Variants in CEP128 observed in about 807,000 individuals in gnomAD.
CEP128 encodes the protein centrosomal protein 128kDa.
A neutral mutation model predicts 156.7 loss-of-function variants in CEP128; 132 were observed. The ratio of observed to expected loss-of-function variants is 0.84; its 90% CI spans 0.73 to 0.97. The LOEUF is 0.97. CEP128 is among the 50% of genes least tolerant of loss of function. CEP128 has a pLI of 0.00. For synonymous variants in CEP128, 469 were observed against 448.9 expected (o/e 1.04, Z -0.57); for missense variants, 1,252 against 1,281.9 (o/e 0.98, Z 0.36).
intron 19 of CEP128, among the ~76,000 whole-genome samples, chr14:80,737,812 C>T (rs1458823197): frequency 2.0e-5 from 3 of 152,138 alleles, no homozygotes; most frequent in Non-Finnish European, 2.9e-5. Flanking sequence ...ACTGCTTGAG[C>T]CTGAGGGGTC....
chr14:80,705,349 T>C (rs985714148), intron 19 of CEP128, among the ~76,000 whole-genome samples: 10 of 152,058 alleles, frequency 6.6e-5, no homozygotes, highest in African/African-American at 2.4e-4. Context: ...CATGCAAACT[T>C]TTCCAGTCTA....
At chr14:80,577,040 G>T (rs1404339427) in intron 20 of CEP128, among the ~76,000 whole-genome samples, 1 of 152,140 alleles carries the variant, frequency 6.6e-6, no homozygotes, top group Non-Finnish European at 1.5e-5. Context: ...TATTTATTCA[G>T]TTCTGTTGAT....
chr14:80,497,897 G>A (rs187615404), intron 24 of CEP128, among the ~76,000 whole-genome samples: 28 of 152,286 alleles, frequency 1.8e-4, no homozygotes, highest in African/African-American at 6.5e-4. Flanking sequence ...TTGCACACTC[G>A]CAAAGAATTT....
At chr14:80,830,923 A>T (rs1206810744) in intron 13 of CEP128, 1 of 463,712 alleles carries the variant, frequency 2.2e-6, no homozygotes, top group Non-Finnish European at 3.8e-6. Flanking sequence ...ATAATAAAGG[A>T]AAATCATCCA....
chr14:80,917,423 C>T (rs1884621617), intron 2 of CEP128, among the ~76,000 whole-genome samples: 1 of 152,180 alleles, frequency 6.6e-6, no homozygotes, highest in South Asian at 2.1e-4. Context: ...TTTCTACTTA[C>T]TGGTGGGTTA....
chr14:80,510,531 T>A (rs1046242509), intron 23 of CEP128, among the ~76,000 whole-genome samples: 2 of 152,084 alleles, frequency 1.3e-5, no homozygotes, highest in Non-Finnish European at 2.9e-5. Flanking sequence ...CAGTAGAAGA[T>A]CATATCATCA....
intron 21 of CEP128, among the ~76,000 whole-genome samples, chr14:80,552,596 A>G (rs1173823249): frequency 6.6e-6 from 1 of 152,192 alleles, no homozygotes; most frequent in Admixed American, 6.5e-5. Flanking sequence ...CAAAATTTTA[A>G]GTAAAATATA....
At chr14:80,715,752 C>A in intron 19 of CEP128, among the ~76,000 whole-genome samples, 1 of 152,144 alleles carries the variant, frequency 6.6e-6, no homozygotes, top group Non-Finnish European at 1.5e-5. Context: ...CAGCCACTTA[C>A]ATGTTAAGTG....
intron 14 of CEP128, among the ~76,000 whole-genome samples, chr14:80,791,783 G>A (rs1901718240): frequency 1.3e-5 from 2 of 152,124 alleles, no homozygotes; most frequent in South Asian, 4.1e-4. Context: ...ATATGTCCGA[G>A]AAATTCATAT....
chr14:80,924,319 A>G (rs536297978), intron 2 of CEP128, among the ~76,000 whole-genome samples: 1 of 152,334 alleles, frequency 6.6e-6, no homozygotes, highest in South Asian at 2.1e-4. Context: ...AAAAGATCAA[A>G]ATCAACTGTC....
rs564543610 is a variant in CEP128, at chr14:80,911,589, C to T, written c.234+2733G>A. Among the ~76,000 whole-genome samples the T allele has an allele frequency of 3.9e-4, 60 of 152,298 alleles. 1 individual carries two copies. Among genetic ancestry groups the T allele is most frequent in the Non-Finnish European group, 7.2e-4 (49 of 68,020 alleles). ...GAAAAGCTTCATTTGCTTTCTTCAG[C>T]TGTACTACTTTTACTTCTGCCCCCG... is the stretch of plus-strand genomic sequence containing the variant. On this transcript the variant is annotated intron_variant, in intron 4 of 24. Transcript: ENST00000555265.
At chr14:80,570,496 T>C (rs56341421) in intron 20 of CEP128, among the ~76,000 whole-genome samples, 22,453 of 152,164 alleles carry the variant, frequency 0.15, 1,769 homozygotes, top group South Asian at 0.23. Flanking sequence ...GCCAGGAACA[T>C]AGACTTCAAA....
intron 16 of CEP128, among the ~76,000 whole-genome samples, chr14:80,772,717 C>T (rs1900580534): frequency 6.6e-6 from 1 of 152,180 alleles, no homozygotes; most frequent in Non-Finnish European, 1.5e-5. Context: ...ACCTGCCAAT[C>T]TGTGTGCTCC....
chr14:80,903,161 C>T (rs766968522), intron 6 of CEP128, among the ~76,000 whole-genome samples: 4 of 151,976 alleles, frequency 2.6e-5, no homozygotes, highest in Non-Finnish European at 5.9e-5. Context: ...AAAACAGATG[C>T]ATCAATCTAC....
At chr14:80,955,499 A>T in intron 2 of CEP128, 2 of 718,096 alleles carry the variant, frequency 2.8e-6, no homozygotes, top group Non-Finnish European at 2.4e-6. Flanking sequence ...CGGAGCACTT[A>T]AGTGCCTCTT....
chr14:80,788,619 A>G (rs1390215044), intron 14 of CEP128, among the ~76,000 whole-genome samples: 1 of 152,098 alleles, frequency 6.6e-6, no homozygotes, highest in Admixed American at 6.5e-5. Context: ...TCTTATTCAC[A>G]GCATCAATGC....
At position 80,558,267 on chromosome 14, in the gene CEP128, A is replaced by G. The variant is rs1220921381; in HGVS notation, c.2880+1012T>C. On this transcript the variant is annotated intron_variant, in intron 21 of 24. Coordinates refer to ENST00000555265, the MANE Select transcript of CEP128 (RefSeq NM_152446.5). ...AAAATTCCATACTCTATAAAACCATAATTTTATTGACAGTAAGTTGGTTTT... is the reference window on the plus strand; with the variant it reads ...AAAATTCCATACTCTATAAAACCATGATTTTATTGACAGTAAGTTGGTTTT... Among the ~76,000 whole-genome samples, 3 of 151,916 alleles carry G rather than the reference A, an allele frequency of 2.0e-5. No individual in the cohort carries two copies. In the East Asian group the frequency reaches 5.8e-4, roughly 29 times the overall value.
chr14:80,857,035 A>G (rs1477428490), intron 9 of CEP128, among the ~76,000 whole-genome samples: 1 of 151,836 alleles, frequency 6.6e-6, no homozygotes, highest in Non-Finnish European at 1.5e-5. Flanking sequence ...GGCATGAGTC[A>G]CCATGCCCAG....
intron 9 of CEP128, among the ~76,000 whole-genome samples, chr14:80,859,645 G>C (rs1466901322): frequency 6.6e-6 from 1 of 152,102 alleles, no homozygotes; most frequent in Non-Finnish European, 1.5e-5. Flanking sequence ...AAAGGAAGTG[G>C]ATTCCTGGGC....
Sources: gnomAD v4.1 joint callset for allele counts (sites outside exome capture counted in the v4.1 genomes callset) on GRCh38, gnomAD v4.1.1 for gene constraint, MANE v1.5 for transcripts, NCBI Gene and HGNC (gene_info 2026-07-23, HGNC 2026-07-21) for gene names.